The following RIF1 variants were observed in gnomAD, a reference collection of about 807,000 sequenced individuals.
RIF1 encodes replication timing regulatory factor 1.
In RIF1, 45 loss-of-function variants were observed where a neutral mutation model predicts 247.1. That is an observed-to-expected ratio of 0.18 (90% CI 0.14 to 0.23). The LOEUF (loss-of-function observed/expected upper bound fraction) is 0.23, where lower values mean the gene tolerates loss of function less well. Among genes scored for constraint, RIF1 ranks in the 10% least tolerant of loss-of-function variants. The probability of loss-of-function intolerance (pLI) is 1.00; values close to 1 mark genes in which losing one functional copy is unlikely to be tolerated. For synonymous variants in RIF1, 1,087 were observed against 978.8 expected (o/e 1.11, Z -2.06); for missense variants, 2,967 against 2,862.5 (o/e 1.04, Z -0.83).
chr2:151,491,590 G>A (rs1352665602), intron 9 of RIF1: 3 of 1,070,074 alleles, frequency 2.8e-6, no homozygotes, highest in Non-Finnish European at 4.2e-6. Context: ...GAAAACTCTG[G>A]AGGGAAGGAA....
the RIF1 span, among the ~76,000 whole-genome samples, chr2:151,520,330 T>A: frequency 6.6e-6 from 1 of 151,974 alleles, no homozygotes; most frequent in Non-Finnish European, 1.5e-5. Flanking sequence ...AGTTTGGGGG[T>A]TAATGGCTTC....
chr2:151,506,601 A>C (rs1167165652), intron 13 of RIF1, among the ~76,000 whole-genome samples: 5 of 152,210 alleles, frequency 3.3e-5, no homozygotes, highest in African/African-American at 1.2e-4. Context: ...TATTTGGGGG[A>C]GGGATAACAA....
rs71000475 is a variant in RIF1, at chr2:151,424,825, A to ATTTTTTT, written c.786+1808_786+1814dup. Among the ~76,000 whole-genome samples, 59 of 47,282 alleles carry ATTTTTTT rather than the reference A, an allele frequency of 1.2e-3. 2 individuals are homozygous for ATTTTTTT. Among genetic ancestry groups the ATTTTTTT allele is most frequent in the African/African-American group, 4.4e-3 (55 of 12,472 alleles). 31.0% of individuals were successfully genotyped at this position (47,282 alleles called of 152,430 possible). On this transcript the variant is annotated intron_variant, in intron 8 of 35. Transcript: ENST00000444746. ...CTGGGACTACCACCCAGCCCGGCTG[A>ATTTTTTT]TTTTTTTTTTTTTTTTTTTTTTTTT... is the stretch of plus-strand genomic sequence containing the variant.
the RIF1 span, among the ~76,000 whole-genome samples, chr2:151,517,397 G>A: frequency 1.1e-4 from 16 of 152,322 alleles, no homozygotes; most frequent in African/African-American, 1.2e-4. Context: ...ACACGAGGAC[G>A]TTTCTAATAG....
rs1293383788 is a variant in RIF1, at chr2:151,462,925, C to G, written c.3405C>G (p.Val1135=). The G allele has an allele frequency of 2.5e-6, 4 of 1,611,900 alleles. No individual in the cohort carries two copies. The highest frequency in any genetic ancestry group is 2.5e-6 in the Non-Finnish European group (3 of 1,179,282). The change falls in exon 30 of 36, where the codon GTC becomes GTG. Residue 1135 remains valine, a synonymous_variant. Coordinates refer to ENST00000444746, the MANE Select transcript of RIF1 (RefSeq NM_018151.5). ...MDSDIVIPQD[V]TEDCGMAEHL... is the part of the protein sequence containing the mutation. ...GTGACATTGTCATTCCTCAAGATGT[C>G]ACGGAAGACTGTGGTATGGCTGAAC... is the stretch of plus-strand genomic sequence containing the variant.
chr2:151,423,699 A>G (rs1688538407), intron 8 of RIF1: 1 of 152,226 alleles, frequency 6.6e-6, no homozygotes, highest in African/African-American at 2.4e-5. Flanking sequence ...GTTCAAGGCT[A>G]CTTTATATAA....
chr2:151,464,680 CAA>C lies in RIF1; in HGVS notation c.5161_5162del (p.Lys1721GlufsTer3). The C allele has an allele frequency of 6.2e-7, 1 of 1,612,698 alleles. No homozygotes were observed. Among genetic ancestry groups the C allele is most frequent in the Non-Finnish European group, 8.5e-7 (1 of 1,179,210 alleles). On this transcript the variant is annotated frameshift_variant, in exon 30 of 36. Transcript: ENST00000444746. LOFTEE classifies it high-confidence loss of function. ...CTTTTCAAACACTTGAATGCCAACA[CAA>C]GAGAAGTAGGAGGGTGAGGAGATCT... ...KTFQTLECQH[K>X]RSRRVRRSKG...
chr2:151,411,436 G>T (rs1573822383), intron 3 of RIF1, 98 bp downstream of exon 3: 2 of 735,554 alleles, frequency 2.7e-6, no homozygotes, highest in African/African-American at 3.7e-5. Flanking sequence ...TGCTCTTGTT[G>T]CCCAGGCGAG....
Position 151,416,702 on chromosome 2 carries a change from T to C in RIF1, c.408+14T>C. On this transcript the variant is annotated intron_variant, in intron 5 of 35. Transcript: ENST00000444746. ...GTTGGCAAAATGGTGAGTATAGTTT[T>C]TGGGTATGCCATCTTAACTATATGC... 2 of 1,611,750 alleles carry C rather than the reference T, an allele frequency of 1.2e-6. No homozygotes were observed. Among genetic ancestry groups the C allele is most frequent in the African/African-American group, 2.7e-5 (2 of 74,886 alleles).
intron 20 of RIF1, 152 bp from the exon 21 acceptor site, chr2:151,451,454 T>C: frequency 1.7e-6 from 1 of 577,014 alleles, no homozygotes; most frequent in South Asian, 1.8e-5. Flanking sequence ...TGTTAAGCCG[T>C]GGGTGGCTGC....
intron 9 of RIF1, chr2:151,493,253 T>G: frequency 4.3e-6 from 4 of 925,338 alleles, no homozygotes; most frequent in Non-Finnish European, 6.6e-6. Flanking sequence ...TTTTAAAATT[T>G]TAGTGTGTTT....
intron 21 of RIF1, among the ~76,000 whole-genome samples, chr2:151,452,463 A>C (rs1694480994): frequency 6.6e-6 from 1 of 152,218 alleles, no homozygotes; most frequent in Admixed American, 6.5e-5. Flanking sequence ...TTATCTAACA[A>C]TAAGATTTGC....
intron 6 of RIF1, among the ~76,000 whole-genome samples, chr2:151,418,890 ACTTAG>A (rs950024207): frequency 4.0e-5 from 6 of 151,312 alleles, no homozygotes; most frequent in African/African-American, 1.5e-4. Context: ...AAAAAAGAAT[ACTTAG>A]CTTAAAACAC....
chr2:151,522,748 G>A, the RIF1 span, among the ~76,000 whole-genome samples: 3 of 152,186 alleles, frequency 2.0e-5, no homozygotes, highest in Non-Finnish European at 4.4e-5. Context: ...TCACTGATGT[G>A]TACATTAATT....
At chr2:151,519,004 G>T in the RIF1 span, 1 of 1,613,640 alleles carries the variant, frequency 6.2e-7, no homozygotes, top group Non-Finnish European at 8.5e-7. Flanking sequence ...CATGATTCAT[G>T]ATCAGAGACT....
intron 7 of RIF1, 52 bp downstream of exon 7, chr2:151,420,431 G>A (rs1423540983): frequency 1.3e-6 from 2 of 1,551,018 alleles, no homozygotes; most frequent in Non-Finnish European, 1.8e-6. Flanking sequence ...GGAAGGTTCT[G>A]CACTAAGCTT....
At chr2:151,411,225 A>G (rs765355280) in intron 2 of RIF1, 35 bp from the exon 3 acceptor site, 2 of 1,273,540 alleles carry the variant, frequency 1.6e-6, no homozygotes, top group East Asian at 2.3e-5. Flanking sequence ...TTTTCCTGTC[A>G]ACTACTTAAA....
At chr2:151,526,803 C>T in the RIF1 span, 6 of 790,088 alleles carry the variant, frequency 7.6e-6, no homozygotes, top group African/African-American at 1.7e-5. Context: ...AGGACCCATA[C>T]CTGAGCCCTG....
At chr2:151,430,206 A>G (rs534936673) in intron 9 of RIF1, among the ~76,000 whole-genome samples, 1 of 152,034 alleles carries the variant, frequency 6.6e-6, no homozygotes, top group African/African-American at 2.4e-5. Flanking sequence ...TATTTTTAGT[A>G]GAGACGGGGT....
Sources: gnomAD v4.1 joint callset for allele counts (sites outside exome capture counted in the v4.1 genomes callset) on GRCh38, gnomAD v4.1.1 for gene constraint, MANE v1.5 for transcripts, NCBI Gene and HGNC (gene_info 2026-07-23, HGNC 2026-07-21) for gene names.